The following DCLK1 variants were observed in gnomAD, a reference collection of about 807,000 sequenced individuals.
DCLK1 encodes the protein serine/threonine-protein kinase DCLK1.
DCLK1 carries 16 observed loss-of-function variants against 86.2 expected under a neutral mutation model. The ratio of observed to expected loss-of-function variants is 0.19; its 90% CI spans 0.13 to 0.28. The LOEUF is 0.28. DCLK1 is among the 10% of genes least tolerant of loss of function. DCLK1 has a pLI of 1.00. For missense variants in DCLK1, 590 were observed against 940.2 expected, an observed-to-expected ratio of 0.63 and a Z score of 4.87; for synonymous variants, 369 against 370.5, an observed-to-expected ratio of 1.00 and a Z score of 0.05.
At chr13:36,092,013 C>T (rs1023332928) in intron 3 of DCLK1, among the ~76,000 whole-genome samples, 18 of 152,158 alleles carry the variant, frequency 1.2e-4, no homozygotes, top group South Asian at 2.1e-4. Flanking sequence ...TTTCTACTTG[C>T]CAATACCTTA....
At position 35,770,512 on chromosome 13, in the gene DCLK1, G is replaced by A. The variant is rs547010943; in HGVS notation, c.*4023C>T. On this transcript the variant is annotated 3_prime_UTR_variant, in exon 17 of 17. Coordinates refer to ENST00000360631, the MANE Select transcript of DCLK1 (RefSeq NM_001330071.2). Reference sequence around the variant, plus strand: ...CCTCTAAACTGCATGCAAAGTAAGGGTCTGTGTGAGAGTATTTTCCCCAAA... The same window carrying A: ...CCTCTAAACTGCATGCAAAGTAAGGATCTGTGTGAGAGTATTTTCCCCAAA... 6.6e-6 allele frequency: 1 copy of A among 152,132 alleles called. No individual in the cohort carries two copies. Among genetic ancestry groups the A allele is most frequent in the Non-Finnish European group, 1.5e-5 (1 of 68,030 alleles). 9.4% of individuals were successfully genotyped at this position (152,132 alleles called of 1,614,324 possible).
chr13:36,076,973 A>G (rs1884236036), intron 3 of DCLK1, among the ~76,000 whole-genome samples: 1 of 152,222 alleles, frequency 6.6e-6, no homozygotes, highest in South Asian at 2.1e-4. Flanking sequence ...TATAATAGAT[A>G]TGATAATGCC....
intron 3 of DCLK1, among the ~76,000 whole-genome samples, chr13:35,984,200 T>G (rs1330906131): frequency 6.6e-6 from 1 of 152,206 alleles, no homozygotes; most frequent in East Asian, 1.9e-4. Context: ...AGGGTGGGTG[T>G]CTGTCTGTCA....
chr13:36,092,708 G>A (rs1239688388), intron 3 of DCLK1, among the ~76,000 whole-genome samples: 1 of 151,554 alleles, frequency 6.6e-6, no homozygotes, highest in Non-Finnish European at 1.5e-5. Context: ...GGATGGTCTC[G>A]ATCTCCTGAC....
At chr13:35,882,865 G>T (rs535033646) in intron 4 of DCLK1, among the ~76,000 whole-genome samples, 5 of 152,132 alleles carry the variant, frequency 3.3e-5, no homozygotes, top group Admixed American at 3.3e-4. Flanking sequence ...ATACTCCAGC[G>T]GAGGAAATGA....
At chr13:35,887,557 G>A (rs1249470400) in intron 4 of DCLK1, among the ~76,000 whole-genome samples, 1 of 152,058 alleles carries the variant, frequency 6.6e-6, no homozygotes, top group Non-Finnish European at 1.5e-5. Context: ...AGACTGGGTG[G>A]GAAAGACTGA....
rs117285569 is a variant in DCLK1 at position 35,898,764 on chromosome 13, C to G, written c.824-27424G>C. The stretch of plus-strand genomic sequence containing the variant: ...TTTTCTTTTTTTTTTCTTTTTGAGA[C>G]AGGGTCCTGCTCTGTCGCCCAGGAT... On this transcript the variant is annotated intron_variant, in intron 4 of 16. Coordinates refer to ENST00000360631, the MANE Select transcript of DCLK1 (RefSeq NM_001330071.2). Among the ~76,000 whole-genome samples the G allele has an allele frequency of 8.6e-3, 1,310 of 151,970 alleles. 36 individuals are homozygous for G. Among genetic ancestry groups the G allele is most frequent in the East Asian group, 0.058 (297 of 5,158 alleles).
At chr13:35,818,987 A>G (rs1289845974) in intron 11 of DCLK1, among the ~76,000 whole-genome samples, 1 of 152,038 alleles carries the variant, frequency 6.6e-6, no homozygotes, top group Non-Finnish European at 1.5e-5. Context: ...AACTCCGTCT[A>G]ACAGGCCAGT....
chr13:35,835,700 C>T (rs1007004431), intron 8 of DCLK1, among the ~76,000 whole-genome samples: 2 of 152,122 alleles, frequency 1.3e-5, no homozygotes, highest in Non-Finnish European at 2.9e-5. Flanking sequence ...AACTTTCTGA[C>T]CTCTACAAAA....
intron 4 of DCLK1, among the ~76,000 whole-genome samples, chr13:35,932,129 G>A (rs907107627): frequency 1.2e-4 from 18 of 152,144 alleles, no homozygotes; most frequent in Admixed American, 2.6e-4. Context: ...AACGTAGGTA[G>A]GCCTCATCCA....
intron 4 of DCLK1, among the ~76,000 whole-genome samples, chr13:35,945,308 T>C (rs187228095): frequency 2.9e-4 from 44 of 152,326 alleles, no homozygotes; most frequent in African/African-American, 9.4e-4. Context: ...TCTCAGAAAG[T>C]CTACCTGCTG....
At chr13:36,005,378 ACC>A (rs1880904135) in intron 3 of DCLK1, among the ~76,000 whole-genome samples, 1 of 152,206 alleles carries the variant, frequency 6.6e-6, no homozygotes, top group Middle Eastern at 3.2e-3. Flanking sequence ...CATTATCCCA[ACC>A]CATTTTGGAG....
chr13:35,918,892 G>GTTTTTTTTGTTTTTTT (rs1875603708), intron 4 of DCLK1, among the ~76,000 whole-genome samples: 1 of 76,310 alleles, frequency 1.3e-5, no homozygotes, highest in Non-Finnish European at 2.5e-5. Context: ...TTCTGAGTGT[G>GTTTTTTTTGTTTTTTT]TTTTTTTTTT....
At chr13:36,117,622 T>C (rs9593796) in intron 2 of DCLK1, among the ~76,000 whole-genome samples, 9,935 of 152,106 alleles carry the variant, frequency 0.065, 890 homozygotes, top group African/African-American at 0.2. Flanking sequence ...GCTAAAAAAT[T>C]TTGCATAATA....
intron 4 of DCLK1, among the ~76,000 whole-genome samples, chr13:35,884,946 T>C (rs1873139769): frequency 6.6e-6 from 1 of 152,158 alleles, no homozygotes; most frequent in Admixed American, 6.5e-5. Flanking sequence ...TTGGGTCACT[T>C]TGGCTAGGGA....
Position 36,125,939 on chromosome 13 carries a change from G to C in DCLK1, c.199C>G (p.Arg67Gly). The change falls in exon 2 of 17, where the codon CGA (arginine) becomes GGA (glycine). Residue 67 changes from arginine to glycine, a missense_variant. By Grantham distance (125) the Arg-to-Gly change is moderately radical. Coordinates refer to ENST00000360631, the MANE Select transcript of DCLK1 (RefSeq NM_001330071.2). Reference protein sequence around the residue: ...KKVRFYRNGDRYFKGIVYAIS... With the variant: ...KKVRFYRNGDGYFKGIVYAIS... ...GCATACACAATCCCTTTGAAGTATC[G>C]ATCTCCGTTTCGATAGAAACGAACT... 6.2e-7 allele frequency: 1 copy of C among 1,614,154 alleles called. No homozygotes were observed. Among genetic ancestry groups the C allele is most frequent in the East Asian group, 2.2e-5 (1 of 44,880 alleles).
At chr13:35,838,951 CA>C in intron 7 of DCLK1, 140 bp downstream of exon 7, 1 of 702,480 alleles carries the variant, frequency 1.4e-6, no homozygotes, top group East Asian at 2.8e-5. Flanking sequence ...GCACCATATT[CA>C]ACCCTATCCC....
chr13:36,019,526 T>C (rs1186243525), intron 3 of DCLK1, among the ~76,000 whole-genome samples: 1 of 152,210 alleles, frequency 6.6e-6, no homozygotes, highest in Non-Finnish European at 1.5e-5. Context: ...TGTTTAAGCT[T>C]ACATAATAAT....
At chr13:35,787,646 G>A (rs7997278) in intron 16 of DCLK1, among the ~76,000 whole-genome samples, 16,480 of 152,002 alleles carry the variant, frequency 0.11, 1,573 homozygotes, top group African/African-American at 0.25. Context: ...GGGGAAGAGG[G>A]AACAATAAAA....
Sources: gnomAD v4.1 joint callset for allele counts (sites outside exome capture counted in the v4.1 genomes callset) on GRCh38, gnomAD v4.1.1 for gene constraint, MANE v1.5 for transcripts, NCBI Gene and HGNC (gene_info 2026-07-23, HGNC 2026-07-21) for gene names.